Variants in DCHS2 observed in about 807,000 individuals in gnomAD.
DCHS2 encodes dachsous cadherin-related 2, also known as protocadherin-23.
A neutral mutation model predicts 182.4 loss-of-function variants in DCHS2; 142 were observed. That is an observed-to-expected ratio of 0.78 (90% confidence interval 0.68 to 0.89). DCHS2 has a LOEUF of 0.89. Ranked by LOEUF, DCHS2 falls within the 40% of genes least tolerant of loss-of-function variation. The probability of loss-of-function intolerance (pLI) is 0.00; values close to 1 mark genes in which losing one functional copy is unlikely to be tolerated. For missense variants in DCHS2, 4,319 were observed against 4,198.6 expected (o/e 1.03, Z -0.79); for synonymous variants, 1,740 against 1,663.3 (o/e 1.05, Z -1.12).
chr4:154,377,241 A>G lies in DCHS2; in HGVS notation c.2244+12T>C, dbSNP rs372190171. 9 of 1,611,500 alleles carry G rather than the reference A, an allele frequency of 5.6e-6. No individual in the cohort carries two copies. In the East Asian group the frequency reaches 6.7e-5, roughly 12 times the overall value. ...ATTATGTTTAAAATAAACTTCATAC[A>G]TAAAAACTTACCCCATCCTTAGCTT... On this transcript the variant is annotated intron_variant, in intron 2 of 19. Coordinates refer to ENST00000357232, the MANE Select transcript of DCHS2 (RefSeq NM_001358235.2).
intron 12 of DCHS2, chr4:154,298,928 T>C: frequency 2.1e-6 from 1 of 475,620 alleles, no homozygotes; most frequent in Non-Finnish European, 3.3e-6. Context: ...AATAATATGA[T>C]TCAATGCCTA....
intron 1 of DCHS2, among the ~76,000 whole-genome samples, chr4:154,382,755 A>G (rs1252553417): frequency 1.7e-4 from 26 of 152,182 alleles, no homozygotes; most frequent in Admixed American, 1.7e-3. Context: ...AATGCTCAAT[A>G]TCACTAATCA....
At chr4:154,388,959 G>A (rs563665986) in intron 1 of DCHS2, among the ~76,000 whole-genome samples, 8 of 152,278 alleles carry the variant, frequency 5.3e-5, no homozygotes, top group South Asian at 2.1e-4. Flanking sequence ...ACTACAGCAC[G>A]GATGGGGAGG....
chr4:154,360,283 A>G (rs929999548), intron 3 of DCHS2, among the ~76,000 whole-genome samples: 2 of 152,118 alleles, frequency 1.3e-5, no homozygotes, highest in South Asian at 4.1e-4. Context: ...CACCATCACC[A>G]ACAGTGTACC....
intron 1 of DCHS2, among the ~76,000 whole-genome samples, chr4:154,440,305 C>G (rs1350548483): frequency 6.6e-6 from 1 of 152,132 alleles, no homozygotes; most frequent in African/African-American, 2.4e-5. Flanking sequence ...GGTTAGCAAA[C>G]AAATGAAACT....
At chr4:154,316,071 T>C (rs1578955110) in intron 9 of DCHS2, 84 bp from the exon 10 acceptor site, 1 of 1,541,600 alleles carries the variant, frequency 6.5e-7, no homozygotes, top group Non-Finnish European at 8.7e-7. Flanking sequence ...CTAACTTGTC[T>C]ACCTAATAAA....
Position 154,420,234 on chromosome 4 carries a change from G to GAGACAGACAGACAGAC in DCHS2, c.2053-42791_2053-42790insGTCTGTCTGTCTGTCT, listed in dbSNP as rs71600327. On this transcript the variant is annotated intron_variant, in intron 1 of 19. Coordinates refer to ENST00000357232, the MANE Select transcript of DCHS2 (RefSeq NM_001358235.2). Reference sequence around the variant, plus strand: ...TTCTCCAGAGAAACAGAACCGATGGGAGACAGACAGACAGATAGATAGATA... The same window carrying GAGACAGACAGACAGAC: ...TTCTCCAGAGAAACAGAACCGATGGGAGACAGACAGACAGACAGACAGACAGACAGATAGATAGATA... Among the ~76,000 whole-genome samples, 172 of 138,104 alleles carry GAGACAGACAGACAGAC rather than the reference G, an allele frequency of 1.2e-3. 2 individuals are homozygous for GAGACAGACAGACAGAC. Among genetic ancestry groups the GAGACAGACAGACAGAC allele is most frequent in the Non-Finnish European group, 1.6e-3 (103 of 64,542 alleles). The allele number at this position is 138,104 out of a possible 152,430, so 90.6% of individuals were successfully genotyped here. A position where few individuals can be genotyped will look rare whatever the true frequency, so the allele number is the denominator to read the frequency against.
intron 1 of DCHS2, among the ~76,000 whole-genome samples, chr4:154,438,562 G>A (rs1232439210): frequency 6.6e-6 from 1 of 152,062 alleles, no homozygotes; most frequent in Non-Finnish European, 1.5e-5. Flanking sequence ...AATTTCCCAT[G>A]GGTTTTGACT....
chr4:154,426,786 T>TAAAAATAAAAATAAAAA (rs372748862), intron 1 of DCHS2, among the ~76,000 whole-genome samples: 71,345 of 147,742 alleles, frequency 0.48, 18,735 homozygotes, highest in Middle Eastern at 0.64. Context: ...AAAAATAAAC[T>TAAAAATAAAAATAAAAA]TAAAAATAAA....
chr4:154,319,755 G>A (rs1353996073), intron 9 of DCHS2, among the ~76,000 whole-genome samples: 1 of 150,968 alleles, frequency 6.6e-6, no homozygotes, highest in East Asian at 1.9e-4. Context: ...AAATGTTACA[G>A]CCACTATGGA....
chr4:154,456,943 A>G (rs932186810), intron 1 of DCHS2, among the ~76,000 whole-genome samples: 3 of 152,174 alleles, frequency 2.0e-5, no homozygotes, highest in Admixed American at 6.5e-5. Context: ...CAGTTTACTC[A>G]TAAGTACCCA....
rs1410607664 is a variant in DCHS2, at chr4:154,263,992, G to GA, written c.6578-4237dup. On this transcript the variant is annotated intron_variant, in intron 14 of 19. Transcript: ENST00000357232. ...TAACCTTGGTGTTGATTGAAAGGGA[G>GA]AAAAAAAATCTTCCGTATTAGTTTA... Among the ~76,000 whole-genome samples, 4 of 151,422 alleles carry GA rather than the reference G, an allele frequency of 2.6e-5. No individual in the cohort carries two copies. In the South Asian group the frequency reaches 6.2e-4, roughly 24 times the overall value.
At position 154,234,107 on chromosome 4, in the gene DCHS2, G is replaced by T. The variant is rs1232467464; in HGVS notation, c.*429C>A. 1 of 155,376 alleles carries T rather than the reference G, an allele frequency of 6.4e-6. No individual in the cohort carries two copies. The highest frequency in any genetic ancestry group is 1.4e-5 in the Non-Finnish European group (1 of 70,390). 9.6% of individuals were successfully genotyped at this position (155,376 alleles called of 1,614,324 possible). On this transcript the variant is annotated 3_prime_UTR_variant, in exon 20 of 20. Transcript: ENST00000357232. ...TCTAGACTTCCCCTCTCTGCTATAT[G>T]TTCTGACCTAAACTCATTCTCCATT...
intron 1 of DCHS2, among the ~76,000 whole-genome samples, chr4:154,458,862 C>G (rs1734882514): frequency 3.9e-5 from 6 of 152,132 alleles, no homozygotes; most frequent in Admixed American, 3.9e-4. Context: ...CAGGTGCACA[C>G]ACAAATATTC....
chr4:154,442,745 C>A (rs1027678266), intron 1 of DCHS2, among the ~76,000 whole-genome samples: 1 of 152,008 alleles, frequency 6.6e-6, no homozygotes, highest in Non-Finnish European at 1.5e-5. Flanking sequence ...CACAAGCTAC[C>A]TCTCCTTATA....
intron 1 of DCHS2, among the ~76,000 whole-genome samples, chr4:154,411,380 C>T (rs1051599811): frequency 1.3e-5 from 2 of 152,086 alleles, no homozygotes; most frequent in Non-Finnish European, 2.9e-5. Flanking sequence ...GGGTGGATCA[C>T]AAGGACAGGA....
intron 6 of DCHS2, among the ~76,000 whole-genome samples, chr4:154,328,874 T>G (rs1736398429): frequency 6.6e-6 from 1 of 152,196 alleles, no homozygotes; most frequent in Non-Finnish European, 1.5e-5. Flanking sequence ...GAATGTCTAA[T>G]TCAATTGTTC....
At chr4:154,398,387 T>C (rs1732022023) in intron 1 of DCHS2, among the ~76,000 whole-genome samples, 1 of 152,190 alleles carries the variant, frequency 6.6e-6, no homozygotes, top group Non-Finnish European at 1.5e-5. Context: ...GCCTGACATA[T>C]ATTAAGCACT....
chr4:154,331,755 T>C, intron 5 of DCHS2: 1 of 1,578,206 alleles, frequency 6.3e-7, no homozygotes, highest in South Asian at 1.2e-5. Context: ...ACCAGCTCCA[T>C]GACTTTGGGT....
Sources: allele counts gnomAD v4.1 joint callset (sites outside exome capture counted in the v4.1 genomes callset), GRCh38; gene constraint gnomAD v4.1.1; transcripts MANE v1.5; gene names NCBI Gene and HGNC (gene_info 2026-07-23, HGNC 2026-07-21).